TTC34: variants seen among roughly 807,000 people sequenced by gnomAD.
TTC34 encodes the protein tetratricopeptide repeat protein 34.
In TTC34, 44 loss-of-function variants were observed where a neutral mutation model predicts 40.7. The ratio of observed to expected loss-of-function variants is 1.08; its 90% CI spans 0.85 to 1.39. The LOEUF is 1.39. Ranked by LOEUF, TTC34 falls within the 40% of genes most tolerant of loss-of-function variation. The probability of loss-of-function intolerance (pLI) is 0.00; values close to 1 mark genes in which losing one functional copy is unlikely to be tolerated. For missense variants in TTC34, 884 were observed against 838.0 expected (o/e 1.05, Z -0.68); for synonymous variants, 422 against 398.6 (o/e 1.06, Z -0.70).
intron 8 of TTC34, among the ~76,000 whole-genome samples, chr1:2,643,185 G>A (rs773496320): frequency 7.2e-5 from 11 of 152,236 alleles, no homozygotes; most frequent in Admixed American, 2.6e-4. Context: ...TGAGCCCGCG[G>A]CTCGGGCCGC....
intron 6 of TTC34, among the ~76,000 whole-genome samples, chr1:2,698,927 C>A (rs560069419): frequency 1.8e-5 from 2 of 111,618 alleles, no homozygotes; most frequent in East Asian, 3.0e-4. Flanking sequence ...TAGTATCCTG[C>A]ACCCTCAGGT....
intron 6 of TTC34, among the ~76,000 whole-genome samples, chr1:2,652,236 G>C (rs199911670): frequency 1.2e-3 from 5 of 4,102 alleles, no homozygotes; most frequent in Non-Finnish European, 2.4e-3. Context: ...GCCTGGAACA[G>C]CACCCACACC....
At chr1:2,772,897 C>T (rs1427770490) in intron 6 of TTC34, among the ~76,000 whole-genome samples, 60 of 126,612 alleles carry the variant, frequency 4.7e-4, no homozygotes, top group African/African-American at 1.5e-3. Flanking sequence ...GAACCCCACA[C>T]CCCCAGGTGA....
At chr1:2,649,008 G>C (rs1300189468) in intron 6 of TTC34, among the ~76,000 whole-genome samples, 1 of 148,552 alleles carries the variant, frequency 6.7e-6, no homozygotes, top group Non-Finnish European at 1.5e-5. Context: ...CCCACACCCA[G>C]TTGAGCATCT....
At chr1:2,768,555 T>C (rs1178297563) in intron 6 of TTC34, among the ~76,000 whole-genome samples, 1 of 151,794 alleles carries the variant, frequency 6.6e-6, no homozygotes, top group East Asian at 1.9e-4. Context: ...GGTGAGCATC[T>C]GATAGCCTGG....
chr1:2,684,878 C>T (rs1246558490), intron 6 of TTC34, among the ~76,000 whole-genome samples: 1 of 130,308 alleles, frequency 7.7e-6, no homozygotes, highest in African/African-American at 3.4e-5. Context: ...GCACCCACAC[C>T]CCAGGTGAGC....
chr1:2,683,702 C>T (rs1396121350), intron 6 of TTC34, among the ~76,000 whole-genome samples: 3 of 149,270 alleles, frequency 2.0e-5, no homozygotes, highest in East Asian at 2.0e-4. Flanking sequence ...CAGCCTGGAA[C>T]AGCACCCACA....
rs1639002070 is a variant in TTC34, at chr1:2,645,470, T to A, written c.2320A>T (p.Ile774Phe). 8 of 1,528,630 alleles carry A rather than the reference T, an allele frequency of 5.2e-6. No individual in the cohort carries two copies. Among genetic ancestry groups the A allele is most frequent in the Non-Finnish European group, 7.0e-6 (8 of 1,144,990 alleles). 94.7% of individuals were successfully genotyped at this position (1,528,630 alleles called of 1,614,324 possible). The stretch of plus-strand genomic sequence containing the variant: ...CAGTGGGAGTAGAGGCCCTGTGTGA[T>A]GAGGGCCTGGGCTTCCGGCTTCAGA... The change falls in exon 7 of 9, where the codon ATC becomes TTC. Residue 774 changes from isoleucine (I) to phenylalanine (F), a missense_variant. Ile to Phe is a conservative substitution (Grantham distance 21). Transcript: ENST00000401095. The surrounding 1 kb of genome is among the most constrained non-coding windows in gnomAD (Gnocchi z 4.7).
chr1:2,695,732 G>C (rs61765758), intron 6 of TTC34, among the ~76,000 whole-genome samples: 2 of 136,928 alleles, frequency 1.5e-5, no homozygotes, highest in Non-Finnish European at 1.6e-5. Flanking sequence ...GTGAGCAGCT[G>C]AAATCCTGGA....
chr1:2,768,324 G>C (rs1218862467), intron 6 of TTC34, among the ~76,000 whole-genome samples: 1 of 152,110 alleles, frequency 6.6e-6, no homozygotes, highest in Non-Finnish European at 1.5e-5. Context: ...GTGAAGGGTG[G>C]TGTTCCGGGT....
chr1:2,675,041 C>G (rs1639847839), intron 6 of TTC34, among the ~76,000 whole-genome samples: 1 of 135,562 alleles, frequency 7.4e-6, no homozygotes, highest in Non-Finnish European at 1.6e-5. Context: ...GCACCCACAA[C>G]CACAGGTGAG....
intron 6 of TTC34, among the ~76,000 whole-genome samples, chr1:2,753,055 C>A (rs1394340475): frequency 3.4e-5 from 5 of 148,862 alleles, no homozygotes; most frequent in South Asian, 2.2e-4. Context: ...GCACCCACAC[C>A]CCCAGGTGAG....
Position 2,683,940 on chromosome 1 carries a change from A to C in TTC34, c.2227-38377T>G, listed in dbSNP as rs543257710. Reference sequence around the variant, plus strand: ...TCCAGGTGAGCATCTGATGGTCTGGAGCAGTACCCACACCCACAGTTGAGC... The same window carrying C: ...TCCAGGTGAGCATCTGATGGTCTGGCGCAGTACCCACACCCACAGTTGAGC... On this transcript the variant is annotated intron_variant, in intron 6 of 8. Transcript: ENST00000401095. Among the ~76,000 whole-genome samples, 109 of 143,120 alleles carry C rather than the reference A, an allele frequency of 7.6e-4. 1 individual carries two copies. In the East Asian group the frequency reaches 0.021, roughly 27 times the overall value. 93.9% of individuals were successfully genotyped at this position (143,120 alleles called of 152,430 possible). A position where few individuals can be genotyped will look rare whatever the true frequency, so the allele number is the denominator to read the frequency against.
intron 6 of TTC34, among the ~76,000 whole-genome samples, chr1:2,756,615 C>G (rs1283754057): frequency 0.03 from 607 of 20,448 alleles, no homozygotes; most frequent in East Asian, 0.044. Flanking sequence ...CAGCCTGGAA[C>G]AGCACCCACA....
Position 2,645,164 on chromosome 1 carries a change from G to C in TTC34, c.2497+129C>G, listed in dbSNP as rs1638994383. On this transcript the variant is annotated intron_variant, in intron 7 of 8. Transcript: ENST00000401095. The surrounding 1 kb of genome is among the most constrained non-coding windows in gnomAD (Gnocchi z 4.7). Reference sequence around the variant, plus strand: ...GGCCAGAGGTCATGGGATTTGGGGTGGAAGGGACCTTGGAAGCTGTTGTGG... The same window carrying C: ...GGCCAGAGGTCATGGGATTTGGGGTCGAAGGGACCTTGGAAGCTGTTGTGG... The C allele has an allele frequency of 1.7e-6, 2 of 1,172,196 alleles. No individual in the cohort carries two copies. The highest frequency in any genetic ancestry group is 4.4e-5 in the South Asian group (2 of 45,786). The allele number at this position is 1,172,196 out of a possible 1,614,324, so 72.6% of individuals were successfully genotyped here. A position where few individuals can be genotyped will look rare whatever the true frequency, so the allele number is the denominator to read the frequency against.
chr1:2,768,292 G>A (rs1378703953), intron 6 of TTC34, among the ~76,000 whole-genome samples: 1 of 152,162 alleles, frequency 6.6e-6, no homozygotes, highest in Admixed American at 6.5e-5. Flanking sequence ...GCCATTGTAG[G>A]TTTTTGGATG....
At chr1:2,687,484 A>G (rs1640417904) in intron 6 of TTC34, among the ~76,000 whole-genome samples, 1 of 146,988 alleles carries the variant, frequency 6.8e-6, no homozygotes, top group African/African-American at 2.7e-5. Context: ...CAGCACCCAC[A>G]CACTCAGGCG....
intron 6 of TTC34, among the ~76,000 whole-genome samples, chr1:2,767,503 G>T (rs1302697836): frequency 1.8e-4 from 26 of 142,988 alleles, no homozygotes; most frequent in African/African-American, 6.8e-4. Flanking sequence ...GGATCTGACA[G>T]CCTGGAACAG....
chr1:2,787,696 C>A lies in TTC34; in HGVS notation c.1639G>T (p.Gly547Cys), dbSNP rs760628555. 325 of 1,543,834 alleles carry A rather than the reference C, an allele frequency of 2.1e-4. No homozygotes were observed. Among genetic ancestry groups the A allele is most frequent in the Non-Finnish European group, 2.5e-4 (290 of 1,142,498 alleles). The change falls in exon 4 of 9, where the codon GGC becomes TGC. Residue 547 changes from glycine (G) to cysteine (C), a missense_variant. Gly to Cys is a radical substitution (Grantham distance 159). Transcript: ENST00000401095. ...AGCAGTGTGGCCAGCTGGTGCACGCCGCAGGCGACCCTGTGTGGAGATCAG... is the reference window on the plus strand; with the variant it reads ...AGCAGTGTGGCCAGCTGGTGCACGCAGCAGGCGACCCTGTGTGGAGATCAG...
Sources: allele counts gnomAD v4.1 joint callset (sites outside exome capture counted in the v4.1 genomes callset), GRCh38; gene constraint gnomAD v4.1.1; non-coding constraint Gnocchi (gnomAD v3.1); transcripts MANE v1.5; gene names NCBI Gene and HGNC (gene_info 2026-07-23, HGNC 2026-07-21).